The following MARK2 variants were observed in gnomAD, a reference collection of about 807,000 sequenced individuals.
MARK2 encodes microtubule affinity regulating kinase 2.
MARK2 carries 16 observed loss-of-function variants against 89.8 expected under a neutral mutation model. The observed-to-expected ratio is 0.18, with a 90% confidence interval of 0.12 to 0.27. The LOEUF (loss-of-function observed/expected upper bound fraction) is 0.27, where lower values mean the gene tolerates loss of function less well. Among genes scored for constraint, MARK2 ranks in the 10% least tolerant of loss-of-function variants. The pLI is 1.00. For missense variants in MARK2, 621 were observed against 1,049.9 expected (o/e 0.59, Z 5.65); for synonymous variants, 382 against 399.5 (o/e 0.96, Z 0.52).
At chr11:63,908,530 G>A (rs1171698549) in intron 18 of MARK2, among the ~76,000 whole-genome samples, 1 of 152,168 alleles carries the variant, frequency 6.6e-6, no homozygotes, top group African/African-American at 2.4e-5. Flanking sequence ...CGGAGTTCTG[G>A]GTCGGGTGGT....
chr11:63,897,104 C>T (rs911034536), intron 3 of MARK2, among the ~76,000 whole-genome samples: 1 of 152,224 alleles, frequency 6.6e-6, no homozygotes, highest in African/African-American at 2.4e-5. Flanking sequence ...AGCTAGCCCC[C>T]TCAGGGGTCT....
chr11:63,859,194 G>A (rs1391825516), intron 1 of MARK2, among the ~76,000 whole-genome samples: 1 of 152,080 alleles, frequency 6.6e-6, no homozygotes, highest in Non-Finnish European at 1.5e-5. Context: ...CTGAGAGCTG[G>A]TAGGCTGCAG....
chr11:63,866,552 G>A (rs1938141194), intron 1 of MARK2, among the ~76,000 whole-genome samples: 1 of 152,132 alleles, frequency 6.6e-6, no homozygotes, highest in Non-Finnish European at 1.5e-5. Flanking sequence ...AATAAGAAAT[G>A]TTTAGGTGCT....
chr11:63,902,275 C>A lies in MARK2; in HGVS notation c.1179C>A (p.His393Gln). 6.2e-7 allele frequency: 1 copy of A among 1,614,174 alleles called. No homozygotes were observed. The highest frequency in any genetic ancestry group is 8.5e-7 in the Non-Finnish European group (1 of 1,180,016). ...LTNSSAPSPS[H>Q]KVQRSVSANP... ...ATAGCAGCGCCCCATCCCCATCCCA[C>A]AAGGTACAGCGCAGCGTGTCGGCCA... Residue 393 changes from histidine (H) to glutamine (Q), a missense_variant, in exon 12 of 19, where the codon CAC becomes CAA. Around this residue, in one of 5 missense-constraint regions of MARK2, gnomAD observed 397 missense variants for 567.8 expected, o/e 0.70. Transcript: ENST00000402010. The surrounding 1 kb of genome is among the most constrained non-coding windows in gnomAD (Gnocchi z 4.2).
intron 18 of MARK2, 99 bp from the exon 19 acceptor site, chr11:63,908,778 C>T (rs1941555993): frequency 2.4e-6 from 3 of 1,269,098 alleles, no homozygotes; most frequent in African/African-American, 1.5e-5. Context: ...TGCTCCCTCC[C>T]GCTCTCCTCT....
At chr11:63,884,745 C>T (rs948093096) in intron 1 of MARK2, among the ~76,000 whole-genome samples, 1 of 152,236 alleles carries the variant, frequency 6.6e-6, no homozygotes, top group Non-Finnish European at 1.5e-5. Flanking sequence ...CTCTCCTACA[C>T]TGAATGCTCC....
At chr11:63,882,381 C>T (rs1274042731) in intron 1 of MARK2, among the ~76,000 whole-genome samples, 7 of 151,892 alleles carry the variant, frequency 4.6e-5, no homozygotes, top group South Asian at 2.1e-4. Context: ...ATCAGGAGTT[C>T]GAGACTAGCC....
At chr11:63,882,221 ATT>A (rs11327438) in intron 1 of MARK2, among the ~76,000 whole-genome samples, 11 of 150,130 alleles carry the variant, frequency 7.3e-5, no homozygotes, top group Non-Finnish European at 1.3e-4. Flanking sequence ...CAAAATAATA[ATT>A]TTTTTTTTGA....
intron 1 of MARK2, among the ~76,000 whole-genome samples, chr11:63,891,637 A>G (rs1939865382): frequency 6.6e-6 from 1 of 152,270 alleles, no homozygotes; most frequent in African/African-American, 2.4e-5. Flanking sequence ...CCTTGGGCTT[A>G]TATCCTCGGA....
Position 63,876,234 on chromosome 11 carries a change from AAC to A in MARK2, c.55-18924_55-18923del, listed in dbSNP as rs1317419246. On this transcript the variant is annotated intron_variant, in intron 1 of 18. Coordinates refer to ENST00000402010, the MANE Select transcript of MARK2 (RefSeq NM_001039469.3). ...GTAGATGACCAGAACTTAGCCTTCA[AAC>A]TTAGCCTTCAACTTCAGGACTCTCC... is the stretch of plus-strand genomic sequence containing the variant. 4.1e-3 allele frequency among the ~76,000 whole-genome samples: 71 copies of A among 17,462 alleles called. No homozygotes were observed. In the Admixed American group the frequency reaches 0.042, roughly 10 times the overall value. 11.5% of individuals were successfully genotyped at this position (17,462 alleles called of 152,430 possible).
At chr11:63,878,128 G>GCC (rs1938876068) in intron 1 of MARK2, among the ~76,000 whole-genome samples, 1 of 152,170 alleles carries the variant, frequency 6.6e-6, no homozygotes, top group African/African-American at 2.4e-5. Flanking sequence ...AAGAGCATTT[G>GCC]CCCCTGTTAT....
Position 63,908,309 on chromosome 11 carries a change from G to A in MARK2, c.2006+5G>A. On this transcript the variant is annotated splice_donor_5th_base_variant and intron_variant, in intron 18 of 18. Transcript: ENST00000402010. ...AGACCGAGTGGAGACGCTCAGGTGA[G>A]AGGGCTGGAGCCAGCACTGGCCCTG... 1 of 1,560,422 alleles carries A rather than the reference G, an allele frequency of 6.4e-7. No homozygotes were observed. Among genetic ancestry groups the A allele is most frequent in the Non-Finnish European group, 8.7e-7 (1 of 1,151,598 alleles).
At chr11:63,865,469 G>A (rs1938078592) in intron 1 of MARK2, among the ~76,000 whole-genome samples, 1 of 152,214 alleles carries the variant, frequency 6.6e-6, no homozygotes, top group Non-Finnish European at 1.5e-5. Flanking sequence ...GAGTGGTTCT[G>A]CCCCTTCCCG....
intron 1 of MARK2, chr11:63,880,002 A>G: frequency 6.6e-6 from 1 of 152,190 alleles, no homozygotes; most frequent in East Asian, 1.9e-4. Flanking sequence ...CCTGTTTCCC[A>G]GCTCCAGGCT....
intron 1 of MARK2, among the ~76,000 whole-genome samples, chr11:63,883,775 C>T (rs923619008): frequency 2.6e-5 from 4 of 151,998 alleles, no homozygotes; most frequent in Non-Finnish European, 5.9e-5. Context: ...TTTGTAGAGC[C>T]TGTGTTTTGC....
At chr11:63,856,768 GTTTTTTTTTTTTTTTTTTTTT>G (rs71039681) in intron 1 of MARK2, among the ~76,000 whole-genome samples, 11 of 53,808 alleles carry the variant, frequency 2.0e-4, no homozygotes, top group African/African-American at 3.7e-4. Flanking sequence ...AATTTTTCAT[GTTTTTTTTTTTTTTTTTTTTT>G]TTTTTTTTTT....
At chr11:63,893,509 A>G (rs927324088) in intron 1 of MARK2, among the ~76,000 whole-genome samples, 1 of 151,448 alleles carries the variant, frequency 6.6e-6, no homozygotes, top group Middle Eastern at 3.2e-3. Context: ...GGTGCTGTGA[A>G]CCTTGGTTAC....
intron 1 of MARK2, among the ~76,000 whole-genome samples, chr11:63,854,821 A>T (rs1302410270): frequency 6.6e-6 from 1 of 151,940 alleles, no homozygotes; most frequent in Non-Finnish European, 1.5e-5. Context: ...CCAAAAAAAA[A>T]AAAAAAAAAA....
chr11:63,890,646 TC>T (rs1939770572), intron 1 of MARK2, among the ~76,000 whole-genome samples: 1 of 152,208 alleles, frequency 6.6e-6, no homozygotes, highest in South Asian at 2.1e-4. Flanking sequence ...GCCCGTAGCA[TC>T]TCTTGTCAGC....
Sources: allele counts gnomAD v4.1 joint callset (sites outside exome capture counted in the v4.1 genomes callset), GRCh38; gene constraint gnomAD v4.1.1; regional missense constraint gnomAD v4.1.1; non-coding constraint Gnocchi (gnomAD v3.1); transcripts MANE v1.5; gene names NCBI Gene and HGNC (gene_info 2026-07-23, HGNC 2026-07-21).